PLCB1: variants seen among roughly 807,000 people sequenced by gnomAD.
PLCB1 encodes the protein 1-phosphatidylinositol 4,5-bisphosphate phosphodiesterase beta-1.
Under a neutral mutation model 161.8 loss-of-function variants are expected in PLCB1, and 46 were observed. The ratio of observed to expected loss-of-function variants is 0.28; its 90% CI spans 0.22 to 0.36. The LOEUF (loss-of-function observed/expected upper bound fraction) is 0.36, where lower values mean the gene tolerates loss of function less well. Among genes scored for constraint, PLCB1 ranks in the 10% least tolerant of loss-of-function variants. The pLI is 1.00. For missense variants in PLCB1, 1,016 were observed against 1,472.5 expected (o/e 0.69, Z 5.07); for synonymous variants, 517 against 503.7 (o/e 1.03, Z -0.35).
At chr20:8,241,925 A>C (rs1450384253) in intron 2 of PLCB1, among the ~76,000 whole-genome samples, 1 of 151,986 alleles carries the variant, frequency 6.6e-6, no homozygotes, top group Non-Finnish European at 1.5e-5. Flanking sequence ...GGCACAGATG[A>C]AGACAGGCAT....
intron 2 of PLCB1, among the ~76,000 whole-genome samples, chr20:8,213,732 G>A (rs1403932171): frequency 6.6e-6 from 1 of 151,692 alleles, no homozygotes; most frequent in Non-Finnish European, 1.5e-5. Context: ...ACATGATTAA[G>A]TTTGCATTAT....
intron 9 of PLCB1, among the ~76,000 whole-genome samples, chr20:8,681,072 G>GTA (rs1990196739): frequency 3.8e-5 from 3 of 79,202 alleles, no homozygotes; most frequent in African/African-American, 1.0e-4. Context: ...ATATATGTGT[G>GTA]TATATGTGTG....
At chr20:8,737,304 TA>T in intron 20 of PLCB1, 112 bp downstream of exon 20, 1 of 883,936 alleles carries the variant, frequency 1.1e-6, no homozygotes. Flanking sequence ...TTTACACACT[TA>T]TAAAGCAATT....
At chr20:8,629,829 CTTT>C (rs754218886) in intron 4 of PLCB1, among the ~76,000 whole-genome samples, 1 of 65,706 alleles carries the variant, frequency 1.5e-5, no homozygotes, top group Admixed American at 1.8e-4. Context: ...TTCTTTCTTT[CTTT>C]CTTTCTTTCT....
At chr20:8,644,693 G>C (rs1337140852) in intron 4 of PLCB1, among the ~76,000 whole-genome samples, 1 of 151,398 alleles carries the variant, frequency 6.6e-6, no homozygotes, top group Non-Finnish European at 1.5e-5. Flanking sequence ...CGCCCCGTCC[G>C]GGAGGGAGGT....
chr20:8,527,530 G>A (rs2122904089), intron 3 of PLCB1, among the ~76,000 whole-genome samples: 1 of 152,164 alleles, frequency 6.6e-6, no homozygotes, highest in Admixed American at 6.6e-5. Flanking sequence ...TCAAAGCCAG[G>A]GCTAGTAAAG....
intron 3 of PLCB1, among the ~76,000 whole-genome samples, chr20:8,427,530 G>A (rs1177905183): frequency 2.6e-5 from 4 of 152,160 alleles, no homozygotes; most frequent in East Asian, 1.9e-4. Context: ...CAACAGGTTC[G>A]TATGCCCATT....
At chr20:8,272,061 C>A (rs1344335633) in intron 2 of PLCB1, among the ~76,000 whole-genome samples, 4 of 152,012 alleles carry the variant, frequency 2.6e-5, no homozygotes, top group Non-Finnish European at 4.4e-5. Flanking sequence ...CGTCTAATGG[C>A]TTACAGTTTT....
intron 2 of PLCB1, among the ~76,000 whole-genome samples, chr20:8,220,975 A>T (rs941165080): frequency 1.3e-5 from 2 of 152,162 alleles, no homozygotes; most frequent in Admixed American, 1.3e-4. Flanking sequence ...CACAGATGAG[A>T]TTATGGTTTC....
Position 8,606,500 on chromosome 20 carries a change from C to A in PLCB1, c.247-21794C>A, listed in dbSNP as rs900010452. On this transcript the variant is annotated intron_variant, in intron 3 of 31. Transcript: ENST00000338037. ...AAACTTCATCAATATTATATGACAA[C>A]CACTAGTATGATTACAATTATTATT... 2.0e-5 allele frequency among the ~76,000 whole-genome samples: 3 copies of A among 152,114 alleles called. No individual in the cohort carries two copies. The East Asian group carries it at 5.8e-4, about 29-fold the overall frequency.
At chr20:8,174,753 T>C (rs1600216020) in intron 2 of PLCB1, among the ~76,000 whole-genome samples, 1 of 152,126 alleles carries the variant, frequency 6.6e-6, no homozygotes, top group African/African-American at 2.4e-5. Context: ...AAATCACATA[T>C]GCATATTGTA....
At chr20:8,337,925 G>A (rs1227975622) in intron 2 of PLCB1, among the ~76,000 whole-genome samples, 2 of 152,162 alleles carry the variant, frequency 1.3e-5, no homozygotes, top group African/African-American at 4.8e-5. Flanking sequence ...TAAAGTTGTA[G>A]AGTTGTCCAT....
intron 2 of PLCB1, among the ~76,000 whole-genome samples, chr20:8,221,801 T>C (rs575929000): frequency 8.5e-4 from 129 of 152,302 alleles, no homozygotes; most frequent in Non-Finnish European, 1.7e-3. Context: ...TTTCAATATT[T>C]AAATGGGTCT....
chr20:8,634,301 A>G (rs1185905269), intron 4 of PLCB1, among the ~76,000 whole-genome samples: 2 of 152,260 alleles, frequency 1.3e-5, no homozygotes, highest in East Asian at 1.9e-4. Context: ...AATATGTTAT[A>G]TAAAGTGAAC....
chr20:8,280,920 C>G (rs754765123), intron 2 of PLCB1, among the ~76,000 whole-genome samples: 1 of 152,124 alleles, frequency 6.6e-6, no homozygotes, highest in Non-Finnish European at 1.5e-5. Flanking sequence ...AAGCCATTTC[C>G]CTGGAAAGGA....
intron 2 of PLCB1, among the ~76,000 whole-genome samples, chr20:8,261,816 G>A (rs1981712115): frequency 6.6e-6 from 1 of 152,096 alleles, no homozygotes; most frequent in Admixed American, 6.6e-5. Flanking sequence ...TAAACCAAGA[G>A]GATAAGCATT....
intron 2 of PLCB1, among the ~76,000 whole-genome samples, chr20:8,332,328 C>A (rs1985394870): frequency 6.6e-6 from 1 of 152,168 alleles, no homozygotes; most frequent in Admixed American, 6.5e-5. Context: ...AAGTCAATGA[C>A]AGATTTTATT....
chr20:8,673,298 G>C (rs1162837918), intron 9 of PLCB1, among the ~76,000 whole-genome samples: 1 of 152,084 alleles, frequency 6.6e-6, no homozygotes, highest in South Asian at 2.1e-4. Flanking sequence ...CAGGTGGCTC[G>C]CAATGTGCAA....
At chr20:8,361,093 G>A (rs185903527) in intron 2 of PLCB1, among the ~76,000 whole-genome samples, 2 of 152,294 alleles carry the variant, frequency 1.3e-5, no homozygotes, top group African/African-American at 4.8e-5. Context: ...TCACTCAAAT[G>A]TATCATGCAC....
Sources: gnomAD v4.1 joint callset for allele counts (sites outside exome capture counted in the v4.1 genomes callset) on GRCh38, gnomAD v4.1.1 for gene constraint, MANE v1.5 for transcripts, NCBI Gene and HGNC (gene_info 2026-07-23, HGNC 2026-07-21) for gene names.